The following PCDHA2 variants were observed in gnomAD, a reference collection of about 807,000 sequenced individuals.
PCDHA2 encodes the protein protocadherin alpha-2.
PCDHA2 carries 58 observed loss-of-function variants against 66.0 expected under a neutral mutation model. That is an observed-to-expected ratio of 0.88 (90% CI 0.71 to 1.09). PCDHA2 has a LOEUF of 1.09. Among genes scored for constraint, PCDHA2 ranks in the 50% least tolerant of loss-of-function variants. The probability of loss-of-function intolerance (pLI) is 0.00; values close to 1 mark genes in which losing one functional copy is unlikely to be tolerated. For missense variants in PCDHA2, 1,267 were observed against 1,242.3 expected (o/e 1.02, Z -0.30); for synonymous variants, 634 against 554.0 (o/e 1.14, Z -2.03).
chr5:140,870,825 C>T, intron 1 of PCDHA2: 1 of 1,613,726 alleles, frequency 6.2e-7, no homozygotes, highest in Non-Finnish European at 8.5e-7. Flanking sequence ...GCGCGGGAGG[C>T]GCAGTTAACA....
intron 1 of PCDHA2, chr5:140,870,343 C>G (rs375366430): frequency 1.7e-5 from 28 of 1,614,042 alleles, no homozygotes; most frequent in Non-Finnish European, 2.2e-5. Context: ...CGCCCTGGAC[C>G]GCGAGAACGT....
At chr5:140,799,621 A>G (rs1762454889) in intron 1 of PCDHA2, among the ~76,000 whole-genome samples, 1 of 152,106 alleles carries the variant, frequency 6.6e-6, no homozygotes, top group Non-Finnish European at 1.5e-5. Flanking sequence ...CTTGCTTGAA[A>G]AAGTTAATTC....
intron 1 of PCDHA2, chr5:140,848,942 C>A (rs1417497577): frequency 6.2e-7 from 1 of 1,607,226 alleles, no homozygotes; most frequent in African/African-American, 1.4e-5. Flanking sequence ...GGCCGCTTGA[C>A]TCTCGGTTTC....
At chr5:140,864,740 C>G (rs2048582672) in intron 1 of PCDHA2, 1 of 152,028 alleles carries the variant, frequency 6.6e-6, no homozygotes, top group African/African-American at 2.4e-5. Context: ...TCTTTGAGCA[C>G]CGATTATACT....
At chr5:140,927,720 G>C (rs782475238) in intron 1 of PCDHA2, 8 of 1,614,056 alleles carry the variant, frequency 5.0e-6, no homozygotes, top group Non-Finnish European at 6.8e-6. Flanking sequence ...GCAACAGCAC[G>C]CAAGCAGAGC....
At chr5:140,976,248 T>G (rs1476905185) in intron 1 of PCDHA2, among the ~76,000 whole-genome samples, 5 of 152,032 alleles carry the variant, frequency 3.3e-5, no homozygotes, top group African/African-American at 9.7e-5. Context: ...TCATGTAAAT[T>G]TATTTAAAAC....
chr5:140,815,905 A>T (rs1765811325), intron 1 of PCDHA2: 1 of 151,596 alleles, frequency 6.6e-6, no homozygotes, highest in Admixed American at 6.6e-5. Context: ...ATAACATCTC[A>T]CCCCTTTCTG....
At chr5:140,809,011 G>C in intron 1 of PCDHA2, 1 of 1,613,732 alleles carries the variant, frequency 6.2e-7, no homozygotes, top group Non-Finnish European at 8.5e-7. Context: ...CGTGGCTTTC[G>C]TACGAGCTGC....
chr5:140,879,783 G>A (rs182330190), intron 1 of PCDHA2, among the ~76,000 whole-genome samples: 1 of 152,162 alleles, frequency 6.6e-6, no homozygotes, highest in African/African-American at 2.4e-5. Flanking sequence ...GAAGAATCTG[G>A]TTTTTGTTTC....
chr5:140,949,260 T>C (rs1292112980), intron 1 of PCDHA2, among the ~76,000 whole-genome samples: 1 of 151,804 alleles, frequency 6.6e-6, no homozygotes, highest in Non-Finnish European at 1.5e-5. Flanking sequence ...GATGAACATA[T>C]CACGTGCACT....
At chr5:140,983,997 G>A (rs1191316440) in intron 3 of PCDHA2, among the ~76,000 whole-genome samples, 1 of 152,194 alleles carries the variant, frequency 6.6e-6, no homozygotes, top group Non-Finnish European at 1.5e-5. Context: ...CAATTCATTA[G>A]AGAGCTAATA....
At chr5:140,835,970 G>T (rs1178302162) in intron 1 of PCDHA2, 1 of 1,613,202 alleles carries the variant, frequency 6.2e-7, no homozygotes, top group Non-Finnish European at 8.5e-7. Flanking sequence ...AGGAGCTGGA[G>T]CTGTTGCAGT....
intron 1 of PCDHA2, chr5:140,848,382 ACTCT>A (rs1581148542): frequency 1.7e-6 from 2 of 1,188,866 alleles, no homozygotes; most frequent in Non-Finnish European, 2.4e-6. Flanking sequence ...ATTCTTTTTC[ACTCT>A]CTCTGTGCTG....
At chr5:140,857,441 G>A (rs1554150037) in intron 1 of PCDHA2, 3 of 1,598,446 alleles carry the variant, frequency 1.9e-6, no homozygotes, top group African/African-American at 1.3e-5. Context: ...GTTCGTGAAG[G>A]AGAACAACCC....
At chr5:140,894,140 C>T (rs1004427236) in intron 1 of PCDHA2, among the ~76,000 whole-genome samples, 2 of 151,956 alleles carry the variant, frequency 1.3e-5, no homozygotes, top group Admixed American at 6.6e-5. Context: ...GAAATAATTC[C>T]CTTCTATGTA....
At chr5:140,901,515 T>C (rs1323018473) in intron 1 of PCDHA2, among the ~76,000 whole-genome samples, 1 of 152,178 alleles carries the variant, frequency 6.6e-6, no homozygotes, top group Non-Finnish European at 1.5e-5. Context: ...ATTATAGATA[T>C]GTGGATTTGT....
intron 1 of PCDHA2, among the ~76,000 whole-genome samples, chr5:140,959,659 A>G (rs1020730964): frequency 6.6e-6 from 1 of 152,250 alleles, no homozygotes; most frequent in Non-Finnish European, 1.5e-5. Context: ...AAATTGAAGA[A>G]TTTGTAAATC....
At chr5:140,841,430 G>C in intron 1 of PCDHA2, 5 of 1,612,964 alleles carry the variant, frequency 3.1e-6, no homozygotes, top group Non-Finnish European at 4.2e-6. Flanking sequence ...CTCCGTCCCC[G>C]AGGAGGCCAA....
Position 140,836,307 on chromosome 5 carries a change from G to A in PCDHA2, c.2388+38955G>A, listed in dbSNP as rs148995786. 8.6e-5 allele frequency: 139 copies of A among 1,613,622 alleles called. 1 individual carries two copies. The highest frequency in any genetic ancestry group is 1.3e-4 in the Admixed American group (8 of 60,000). On this transcript the variant is annotated intron_variant, in intron 1 of 3. Coordinates refer to ENST00000526136, the MANE Select transcript of PCDHA2 (RefSeq NM_018905.3). ...GACACGAGCCCTAGATGAGACGGAC[G>A]CACCGCGCCACCGCCTTCTGGTGCT... is the stretch of plus-strand genomic sequence containing the variant.
Sources: gnomAD v4.1 joint callset for allele counts (sites outside exome capture counted in the v4.1 genomes callset) on GRCh38, gnomAD v4.1.1 for gene constraint, MANE v1.5 for transcripts, NCBI Gene and HGNC (gene_info 2026-07-23, HGNC 2026-07-21) for gene names.